LTBP1: variants seen among roughly 807,000 people sequenced by gnomAD.
LTBP1 encodes the protein latent-transforming growth factor beta-binding protein 1.
Under a neutral mutation model 207.6 loss-of-function variants are expected in LTBP1, and 129 were observed. The ratio of observed to expected loss-of-function variants is 0.62; its 90% CI spans 0.54 to 0.72. LTBP1 has a LOEUF of 0.72. LTBP1 is among the 30% of genes least tolerant of loss of function. LTBP1 has a pLI of 0.00. For synonymous variants in LTBP1, 963 were observed against 833.7 expected, an observed-to-expected ratio of 1.16 and a Z score of -2.67; for missense variants, 2,281 against 2,217.2, an observed-to-expected ratio of 1.03 and a Z score of -0.58.
chr2:33,319,953 T>G (rs1039165375), intron 24 of LTBP1, among the ~76,000 whole-genome samples: 1 of 152,198 alleles, frequency 6.6e-6, no homozygotes, highest in Non-Finnish European at 1.5e-5. Context: ...TGACAGATAT[T>G]TATTAAGTGT....
chr2:33,170,419 G>C (rs1311019891), intron 5 of LTBP1, among the ~76,000 whole-genome samples: 2 of 152,176 alleles, frequency 1.3e-5, no homozygotes, highest in Non-Finnish European at 2.9e-5. Flanking sequence ...AGCAGTCTGA[G>C]ATCAAACTGC....
chr2:32,975,395 T>C (rs1177902699), intron 2 of LTBP1, among the ~76,000 whole-genome samples: 1 of 152,114 alleles, frequency 6.6e-6, no homozygotes, highest in Non-Finnish European at 1.5e-5. Flanking sequence ...AGGGGTTCTA[T>C]GTATTTCCTG....
At position 33,354,996 on chromosome 2, in the gene LTBP1, A is replaced by T. The variant is rs1355093288; in HGVS notation, c.4001-5601A>T. Among the ~76,000 whole-genome samples the T allele has an allele frequency of 2.0e-5, 3 of 152,220 alleles. No individual in the cohort carries two copies. In the East Asian group the frequency reaches 5.8e-4, roughly 29 times the overall value. ...TCTTAATACTACAAGATATACTCAC[A>T]CTGTTGCATTAGAAATGCATTTTGG... On this transcript the variant is annotated intron_variant, in intron 26 of 33. Transcript: ENST00000404816.
chr2:33,143,340 G>T (rs547931607), intron 5 of LTBP1, among the ~76,000 whole-genome samples: 28 of 152,304 alleles, frequency 1.8e-4, no homozygotes, highest in Admixed American at 4.6e-4. Context: ...TGCCAGCACA[G>T]TGCCTCGCTT....
chr2:33,398,580 G>A lies in LTBP1; in HGVS notation c.*35G>A. The A allele has an allele frequency of 6.3e-7, 1 of 1,575,994 alleles. No homozygotes were observed. Among genetic ancestry groups the A allele is most frequent in the Middle Eastern group, 1.7e-4 (1 of 5,888 alleles). On this transcript the variant is annotated 3_prime_UTR_variant, in exon 34 of 34. Transcript: ENST00000404816. ...TACATAACCTAAGCCCATATACTCTGCACTGTGTAAAGGAAAAGGGAGAAA... is the reference window on the plus strand; with the variant it reads ...TACATAACCTAAGCCCATATACTCTACACTGTGTAAAGGAAAAGGGAGAAA...
At chr2:33,231,278 G>A (rs540652396) in intron 9 of LTBP1, among the ~76,000 whole-genome samples, 8 of 152,248 alleles carry the variant, frequency 5.3e-5, no homozygotes, top group African/African-American at 1.9e-4. Context: ...TACTCGTTCT[G>A]CTTTAATAAA....
intron 3 of LTBP1, among the ~76,000 whole-genome samples, chr2:33,108,626 G>C (rs2080209694): frequency 6.6e-6 from 1 of 152,106 alleles, no homozygotes; most frequent in Non-Finnish European, 1.5e-5. Flanking sequence ...GTTGGGGCAC[G>C]AATTAGGTGC....
chr2:33,134,679 C>CAAA lies in LTBP1; in HGVS notation c.1034-114_1034-113insAAA. ...TGTCGGGTTGTGGGCTCTCTCTTTT[C>CAAA]CCCTCTTGCTCCTTTCTTTTCTTTT... On this transcript the variant is annotated intron_variant, in intron 4 of 33. Transcript: ENST00000404816. The surrounding 1 kb of genome is among the most constrained non-coding windows in gnomAD (Gnocchi z 4.4). The CAAA allele has an allele frequency of 6.3e-7, 1 of 1,591,698 alleles. No homozygotes were observed. The highest frequency in any genetic ancestry group is 1.2e-5 in the South Asian group (1 of 86,164).
Position 33,032,075 on chromosome 2 carries a change from T to A in LTBP1, c.863+10869T>A, listed in dbSNP as rs562723919. 3.7e-4 allele frequency among the ~76,000 whole-genome samples: 57 copies of A among 152,334 alleles called. 2 individuals carry two copies. In the South Asian group the frequency reaches 0.012, roughly 31 times the overall value. ...TTCAGACTGCCAGTCAAGAAAATAA[T>A]TCCTTTGGATTCGGGTTAAGGAATT... On this transcript the variant is annotated intron_variant, in intron 3 of 33. Transcript: ENST00000404816.
chr2:33,244,588 T>C (rs2092445125), intron 10 of LTBP1, among the ~76,000 whole-genome samples: 1 of 152,242 alleles, frequency 6.6e-6, no homozygotes, highest in Admixed American at 6.5e-5. Context: ...TTGAGATTTT[T>C]AAGAATGTCT....
chr2:32,991,025 TAGAG>T (rs1431239347), intron 2 of LTBP1, among the ~76,000 whole-genome samples: 4 of 152,204 alleles, frequency 2.6e-5, no homozygotes, highest in Admixed American at 1.3e-4. Context: ...ACACAGTTAA[TAGAG>T]AGAGCTGTAG....
At chr2:33,219,468 T>C (rs2090949388) in intron 8 of LTBP1, among the ~76,000 whole-genome samples, 3 of 152,246 alleles carry the variant, frequency 2.0e-5, no homozygotes, top group Non-Finnish European at 4.4e-5. Context: ...CCCAGCTCTT[T>C]CATTTGCTAT....
chr2:33,261,561 G>A (rs1040469184), intron 13 of LTBP1, among the ~76,000 whole-genome samples: 2 of 88,324 alleles, frequency 2.3e-5, no homozygotes, highest in Non-Finnish European at 4.4e-5. Context: ...GAAAAAGGGT[G>A]AACAACTGTT....
intron 2 of LTBP1, among the ~76,000 whole-genome samples, chr2:33,018,544 T>A (rs1044657579): frequency 2.0e-5 from 3 of 152,220 alleles, no homozygotes; most frequent in Non-Finnish European, 4.4e-5. Flanking sequence ...ACTTCTGTTC[T>A]CTTGGGTGGA....
At chr2:33,228,697 C>CTATTTTTTTTTT (rs2091596883) in intron 9 of LTBP1, among the ~76,000 whole-genome samples, 1 of 99,060 alleles carries the variant, frequency 1.0e-5, no homozygotes, top group Non-Finnish European at 1.9e-5. Context: ...GGGTTATACC[C>CTATTTTTTTTTT]TTTTTTTTTT....
At chr2:33,382,220 A>C (rs892160309) in intron 31 of LTBP1, among the ~76,000 whole-genome samples, 3 of 148,610 alleles carry the variant, frequency 2.0e-5, no homozygotes, top group African/African-American at 7.4e-5. Context: ...TCAGCCTCCC[A>C]GGTAGCTGGG....
chr2:33,251,119 C>A (rs1176848470), intron 10 of LTBP1, among the ~76,000 whole-genome samples: 1 of 152,176 alleles, frequency 6.6e-6, no homozygotes, highest in Non-Finnish European at 1.5e-5. Context: ...ACATTTGGCC[C>A]ACCTCTGCTA....
chr2:33,151,068 A>G (rs2083483459), intron 5 of LTBP1, among the ~76,000 whole-genome samples: 3 of 152,184 alleles, frequency 2.0e-5, no homozygotes, highest in Non-Finnish European at 2.9e-5. Flanking sequence ...AGGTTCATTC[A>G]TACTGTAGCA....
At chr2:32,992,688 TGTAAG>T (rs1558485142) in intron 2 of LTBP1, among the ~76,000 whole-genome samples, 2 of 152,016 alleles carry the variant, frequency 1.3e-5, no homozygotes, top group African/African-American at 4.8e-5. Flanking sequence ...TTCCAGGACA[TGTAAG>T]GGAAGAATCC....
Sources: gnomAD v4.1 joint callset for allele counts (sites outside exome capture counted in the v4.1 genomes callset) on GRCh38, gnomAD v4.1.1 for gene constraint, Gnocchi (gnomAD v3.1) non-coding constraint, MANE v1.5 for transcripts, NCBI Gene and HGNC (gene_info 2026-07-23, HGNC 2026-07-21) for gene names.